The following NFE2L2 variants were observed in gnomAD, a reference collection of about 807,000 sequenced individuals.
NFE2L2 encodes the protein NFE2 like bZIP transcription factor 2, also known as nuclear factor erythroid 2-related factor 2.
Under a neutral mutation model 49.6 loss-of-function variants are expected in NFE2L2, and 20 were observed. That is an observed-to-expected ratio of 0.40 (90% CI 0.28 to 0.59). The LOEUF is 0.59. NFE2L2 is among the 20% of genes least tolerant of loss of function. The pLI is 0.40. For synonymous variants in NFE2L2, 244 were observed against 256.5 expected, an observed-to-expected ratio of 0.95 and a Z score of 0.47; for missense variants, 578 against 714.2, an observed-to-expected ratio of 0.81 and a Z score of 2.17.
At position 177,234,235 on chromosome 2, in the gene NFE2L2, T is replaced by C. The variant is rs1441199966; in HGVS notation, c.82A>G (p.Ile28Val). The C allele has an allele frequency of 1.2e-6, 2 of 1,613,074 alleles. No individual in the cohort carries two copies. Among genetic ancestry groups the C allele is most frequent in the South Asian group, 1.1e-5 (1 of 90,934 alleles). ...DLIDILWRQD[I>V]DLGVSREVFD... ...ACTTCTCGACTTACTCCAAGATCTA[T>C]ATCTTGCCTCCAAAGTATGTCAATC... The change falls in exon 2 of 5, where the codon ATA becomes GTA. Residue 28 changes from isoleucine (I) to valine (V), a missense_variant. Ile to Val is a conservative substitution (Grantham distance 29, BLOSUM62 3). Coordinates refer to ENST00000397062, the MANE Select transcript of NFE2L2 (RefSeq NM_006164.5).
At chr2:177,246,605 T>TC (rs1258279365) in intron 1 of NFE2L2, among the ~76,000 whole-genome samples, 5 of 150,452 alleles carry the variant, frequency 3.3e-5, no homozygotes, top group African/African-American at 9.8e-5. Flanking sequence ...TTTTCTTTTT[T>TC]TTCTTTTTTT....
intron 1 of NFE2L2, among the ~76,000 whole-genome samples, chr2:177,246,596 T>A (rs763512916): frequency 3.3e-5 from 5 of 149,448 alleles, no homozygotes; most frequent in South Asian, 2.1e-4. Context: ...GTTGTCCCTT[T>A]TTCTTTTTTT....
chr2:177,236,080 A>G (rs57557108), intron 1 of NFE2L2, among the ~76,000 whole-genome samples: 2,874 of 152,362 alleles, frequency 0.019, 77 homozygotes, highest in African/African-American at 0.066. Context: ...GCCAGTGGGT[A>G]CAGTGTAGAC....
chr2:177,240,306 G>A (rs1473484230), intron 1 of NFE2L2, among the ~76,000 whole-genome samples: 4 of 152,224 alleles, frequency 2.6e-5, no homozygotes, highest in Non-Finnish European at 4.4e-5. Context: ...TGTTAGATAA[G>A]TAGGGTTTGG....
intron 1 of NFE2L2, among the ~76,000 whole-genome samples, chr2:177,247,873 A>G (rs1199641625): frequency 6.6e-6 from 1 of 152,146 alleles, no homozygotes; most frequent in Non-Finnish European, 1.5e-5. Flanking sequence ...ACCCGCAGAT[A>G]AGACCGAGGC....
At position 177,234,178 on chromosome 2, in the gene NFE2L2, C is replaced by T. The variant is rs1440047106; in HGVS notation, c.139G>A (p.Glu47Lys). 1 of 1,614,146 alleles carries T rather than the reference C, an allele frequency of 6.2e-7. No homozygotes were observed. ...FDFSQRRKEY[E>K]LEKQKKLEKE... ...TCAAGTTTTTTCTGTTTTTCCAGCT[C>T]ATACTCTTTCCGTCGCTGACTGAAG... is the stretch of plus-strand genomic sequence containing the variant. Residue 47 changes from glutamate (E) to lysine (K), a missense_variant, in exon 2 of 5, where the codon GAG (glutamate) becomes AAG (lysine). Around this residue, in one of 3 missense-constraint regions of NFE2L2, gnomAD observed 93 missense variants for 153.9 expected, o/e 0.60. Coordinates refer to ENST00000397062, the MANE Select transcript of NFE2L2 (RefSeq NM_006164.5).
chr2:177,263,704 G>C (rs1478156828), intron 1 of NFE2L2: 3 of 985,378 alleles, frequency 3.0e-6, no homozygotes, highest in Non-Finnish European at 3.6e-6. Flanking sequence ...GCCGACTCCG[G>C]CCTCAGAGTC....
At chr2:177,247,391 G>A (rs960019941) in intron 1 of NFE2L2, among the ~76,000 whole-genome samples, 1 of 152,158 alleles carries the variant, frequency 6.6e-6, no homozygotes, top group African/African-American at 2.4e-5. Flanking sequence ...GCCGGGCGCC[G>A]TGGCTCAAGC....
intron 1 of NFE2L2, among the ~76,000 whole-genome samples, chr2:177,234,830 C>CT (rs1374368308): frequency 1.3e-5 from 2 of 152,152 alleles, no homozygotes; most frequent in African/African-American, 4.8e-5. Flanking sequence ...GCTTGCTACT[C>CT]TTATCTCTGT....
In NFE2L2 at chr2:177,231,036, C is replaced by T. The variant is rs2105451326; in HGVS notation, c.1567G>A (p.Val523Ile). The change falls in exon 5 of 5, where the codon GTA (valine) becomes ATA (isoleucine). Residue 523 changes from valine (V) to isoleucine (I), a missense_variant. Coordinates refer to ENST00000397062, the MANE Select transcript of NFE2L2 (RefSeq NM_006164.5). ...TGATCTAAATCTTGCTCTAGTTCTA[C>T]TATATTTTCCAGTTTTCTTTTTCTG... ...NCRKRKLENI[V>I]ELEQDLDHLK... 1 of 1,613,884 alleles carries T rather than the reference C, an allele frequency of 6.2e-7. No individual in the cohort carries two copies. Among genetic ancestry groups the T allele is most frequent in the South Asian group, 1.1e-5 (1 of 90,982 alleles).
intron 1 of NFE2L2, among the ~76,000 whole-genome samples, chr2:177,238,178 T>C (rs1689820156): frequency 6.6e-6 from 1 of 152,212 alleles, no homozygotes; most frequent in Non-Finnish European, 1.5e-5. Context: ...CTAGACTTCC[T>C]GGGCCTGAGG....
chr2:177,259,462 C>T (rs548575451), intron 1 of NFE2L2, among the ~76,000 whole-genome samples: 10 of 152,150 alleles, frequency 6.6e-5, no homozygotes, highest in African/African-American at 1.2e-4. Flanking sequence ...GTACATATGC[C>T]GTAAAAACGA....
rs183492729 is a variant in NFE2L2, at chr2:177,260,140, T to C, written c.45+4392A>G. Among the ~76,000 whole-genome samples, 519 of 152,322 alleles carry C rather than the reference T, an allele frequency of 3.4e-3. 1 individual carries two copies. The highest frequency in any genetic ancestry group is 5.2e-3 in the Non-Finnish European group (355 of 68,028). On this transcript the variant is annotated intron_variant, in intron 1 of 4. Transcript: ENST00000397062. ...TGAAATTTCAATAGCTCCTAGAAATTAGATGATCAAAGAATAAACTCTATT... is the reference window on the plus strand; with the variant it reads ...TGAAATTTCAATAGCTCCTAGAAATCAGATGATCAAAGAATAAACTCTATT...
Position 177,234,824 on chromosome 2 carries a change from G to C in NFE2L2, c.46-553C>G, listed in dbSNP as rs138732412. Among the ~76,000 whole-genome samples the C allele has an allele frequency of 1.7e-3, 262 of 152,106 alleles. 3 individuals carry two copies. The highest frequency in any genetic ancestry group is 5.2e-3 in the African/African-American group (216 of 41,504). On this transcript the variant is annotated intron_variant, in intron 1 of 4. Coordinates refer to ENST00000397062, the MANE Select transcript of NFE2L2 (RefSeq NM_006164.5). Reference sequence around the variant, plus strand: ...GATTATCTTCTCCCCATCACTGCTTGCTACTCTTATCTCTGTGGCTTACCT... The same window carrying C: ...GATTATCTTCTCCCCATCACTGCTTCCTACTCTTATCTCTGTGGCTTACCT...
At chr2:177,263,319 CAG>C in intron 1 of NFE2L2, 1 of 964,238 alleles carries the variant, frequency 1.0e-6, no homozygotes, top group Non-Finnish European at 1.2e-6. Flanking sequence ...ATAAAGTACT[CAG>C]GGGAGAAATA....
At position 177,249,983 on chromosome 2, in the gene NFE2L2, G is replaced by A. The variant is rs184693304; in HGVS notation, c.45+14549C>T. Among the ~76,000 whole-genome samples the A allele has an allele frequency of 1.5e-3, 221 of 152,200 alleles. 1 individual carries two copies. Among genetic ancestry groups the A allele is most frequent in the Non-Finnish European group, 2.7e-3 (182 of 68,010 alleles). On this transcript the variant is annotated intron_variant, in intron 1 of 4. Transcript: ENST00000397062. ...TGACTTTGACGGAACCAAACTCTTC[G>A]GTTTTGCAAATTACCTCCTAAAGAT... is the stretch of plus-strand genomic sequence containing the variant.
At position 177,264,642 on chromosome 2, in the gene NFE2L2, C is replaced by T. The variant is rs1690871090; in HGVS notation, c.-66G>A. 9.4e-6 allele frequency: 13 copies of T among 1,378,524 alleles called. No individual in the cohort carries two copies. The highest frequency in any genetic ancestry group is 1.0e-5 in the Non-Finnish European group (11 of 1,051,812). The allele number at this position is 1,378,524 out of a possible 1,614,324, so 85.4% of individuals were successfully genotyped here. A position where few individuals can be genotyped will look rare whatever the true frequency, so the allele number is the denominator to read the frequency against. ...CCCTGTTCCGGCTGCCGAGGCGCGG[C>T]GCGGACAGGGCGGCTCTGGTGGCGG... On this transcript the variant is annotated 5_prime_UTR_variant, in exon 1 of 5. Transcript: ENST00000397062.
intron 1 of NFE2L2, among the ~76,000 whole-genome samples, chr2:177,243,786 T>C (rs1176747475): frequency 6.6e-6 from 1 of 152,176 alleles, no homozygotes; most frequent in African/African-American, 2.4e-5. Flanking sequence ...ATTACAGGCA[T>C]GAACCACTGT....
At chr2:177,253,620 A>C (rs1287259913) in intron 1 of NFE2L2, among the ~76,000 whole-genome samples, 1 of 152,218 alleles carries the variant, frequency 6.6e-6, no homozygotes, top group East Asian at 1.9e-4. Context: ...TCTACCTAAG[A>C]TATATGGGGT....
Sources: allele counts gnomAD v4.1 joint callset (sites outside exome capture counted in the v4.1 genomes callset), GRCh38; gene constraint gnomAD v4.1.1; regional missense constraint gnomAD v4.1.1; transcripts MANE v1.5; gene names NCBI Gene and HGNC (gene_info 2026-07-23, HGNC 2026-07-21).